Variants in MTIF2 observed in about 807,000 individuals in gnomAD.
MTIF2 encodes mitochondrial translational initiation factor 2.
MTIF2 carries 71 observed loss-of-function variants against 83.5 expected under a neutral mutation model. The observed-to-expected ratio is 0.85, with a 90% CI of 0.70 to 1.04. MTIF2 has a LOEUF of 1.04. Ranked by LOEUF, MTIF2 falls within the 50% of genes least tolerant of loss-of-function variation. The pLI, the probability that MTIF2 is intolerant of heterozygous loss-of-function variation, is 0.00. For missense variants in MTIF2, 957 were observed against 846.5 expected (o/e 1.13, Z -1.62); for synonymous variants, 319 against 287.1 (o/e 1.11, Z -1.12).
intron 5 of MTIF2, among the ~76,000 whole-genome samples, chr2:55,257,408 G>C (rs1476888919): frequency 6.6e-6 from 1 of 152,186 alleles, no homozygotes; most frequent in Admixed American, 6.5e-5. Flanking sequence ...TTGAACCCGG[G>C]AGGCGGAGGT....
chr2:55,260,793 C>T (rs2576710), intron 5 of MTIF2, among the ~76,000 whole-genome samples: 57,913 of 151,960 alleles, frequency 0.38, 13,581 homozygotes, highest in East Asian at 0.53. Flanking sequence ...GAGTCTGTTA[C>T]ACTTTGTTAC....
At chr2:55,256,193 GC>G (rs1677516785) in intron 5 of MTIF2, among the ~76,000 whole-genome samples, 3 of 151,986 alleles carry the variant, frequency 2.0e-5, no homozygotes, top group Admixed American at 1.3e-4. Context: ...TTTTTGAGCT[GC>G]AAATACATTT....
intron 5 of MTIF2, among the ~76,000 whole-genome samples, chr2:55,256,427 G>A (rs183730118): frequency 6.6e-6 from 1 of 151,550 alleles, no homozygotes; most frequent in East Asian, 2.0e-4. Context: ...AAAATTTTTG[G>A]CCAGGCACGG....
chr2:55,237,656 T>C (rs1004443939), intron 14 of MTIF2, among the ~76,000 whole-genome samples: 1 of 141,528 alleles, frequency 7.1e-6, no homozygotes, highest in Non-Finnish European at 1.5e-5. Flanking sequence ...TTTCTTTTTT[T>C]TTTTTTTTTT....
chr2:55,237,641 CTTTTTTTCTTTTTT>C (rs1675965440), intron 14 of MTIF2, among the ~76,000 whole-genome samples: 2 of 82,802 alleles, frequency 2.4e-5, no homozygotes, highest in South Asian at 9.2e-4. Flanking sequence ...TTTTCCTTTT[CTTTTTTTCTTTTTT>C]TTTTTTTTTT....
chr2:55,241,515 G>A (rs1184135949), intron 13 of MTIF2, among the ~76,000 whole-genome samples: 1 of 151,626 alleles, frequency 6.6e-6, no homozygotes, highest in Non-Finnish European at 1.5e-5. Context: ...TTAATCAGGA[G>A]AAAAACACAA....
chr2:55,252,634 T>C lies in MTIF2; in HGVS notation c.684A>G (p.Glu228=). ...GAFLVSLPSG[E]KITFLDTPGH... ...CTGGAGTATCAAGAAAAGTTATCTTTTCCCCAGAAGGCAGAGAGACTGTGG... is the reference window on the plus strand; with the variant it reads ...CTGGAGTATCAAGAAAAGTTATCTTCTCCCCAGAAGGCAGAGAGACTGTGG... Residue 228 remains glutamate, a synonymous_variant, in exon 8 of 16, where the codon GAA becomes GAG. Transcript: ENST00000263629. 1 of 1,613,408 alleles carries C rather than the reference T, an allele frequency of 6.2e-7. No homozygotes were observed. The highest frequency in any genetic ancestry group is 1.3e-5 in the African/African-American group (1 of 75,042).
In MTIF2 at chr2:55,249,506, A is replaced by G; in HGVS notation, c.870T>C (p.Cys290=). 3.7e-6 allele frequency: 6 copies of G among 1,614,110 alleles called. No individual in the cohort carries two copies. The highest frequency in any genetic ancestry group is 5.1e-6 in the Non-Finnish European group (6 of 1,180,014). Residue 290 remains cysteine (C), a synonymous_variant, in exon 9 of 16, where the codon TGT becomes TGC. Coordinates refer to ENST00000263629, the MANE Select transcript of MTIF2 (RefSeq NM_002453.3). ...TCTCAGGATCAGCCTCAGCTTTGTC[A>G]CATTTATTTACGGCAAGGATAATAG... ...QVPIILAVNK[C]DKAEADPEKV... is the part of the protein sequence containing the mutation.
At chr2:55,240,942 T>C (rs1676257637) in intron 13 of MTIF2, among the ~76,000 whole-genome samples, 1 of 152,108 alleles carries the variant, frequency 6.6e-6, no homozygotes, top group African/African-American at 2.4e-5. Context: ...TGCCCAAAAA[T>C]AGTGACTTAA....
At chr2:55,264,997 C>T (rs1678319839) in intron 3 of MTIF2, among the ~76,000 whole-genome samples, 1 of 151,950 alleles carries the variant, frequency 6.6e-6, no homozygotes, top group Non-Finnish European at 1.5e-5. Flanking sequence ...AATCCCAGCA[C>T]TTTGGGAGGC....
At chr2:55,255,988 T>C (rs1677495966) in intron 5 of MTIF2, among the ~76,000 whole-genome samples, 2 of 152,210 alleles carry the variant, frequency 1.3e-5, no homozygotes, top group South Asian at 4.1e-4. Flanking sequence ...ACAATTCTTC[T>C]GCCTCAGCCC....
Position 55,237,278 on chromosome 2 carries a change from TG to T in MTIF2, c.2011+9del. The T allele has an allele frequency of 6.2e-7, 1 of 1,606,242 alleles. No homozygotes were observed. The highest frequency in any genetic ancestry group is 1.1e-5 in the South Asian group (1 of 89,698). On this transcript the variant is annotated intron_variant, in intron 15 of 15. Transcript: ENST00000263629. ...GATATGCTATTATAGGAGATTTTGA[TG>T]TTGCTTACCCTTCCAAATTACATGT...
At chr2:55,237,168 A>G (rs1675900568) in intron 15 of MTIF2, 120 bp downstream of exon 15, 10 of 1,170,386 alleles carry the variant, frequency 8.5e-6, no homozygotes, top group Admixed American at 2.5e-5. Flanking sequence ...TTCAATAGCA[A>G]TAAGAAATGG....
intron 13 of MTIF2, among the ~76,000 whole-genome samples, chr2:55,241,079 GA>G (rs904874075): frequency 8.3e-5 from 12 of 144,744 alleles, no homozygotes; most frequent in East Asian, 4.0e-4. Context: ...TACTTTGGGA[GA>G]AAAAAAAAAG....
chr2:55,241,647 A>C (rs1250520563), intron 13 of MTIF2, among the ~76,000 whole-genome samples: 1 of 152,086 alleles, frequency 6.6e-6, no homozygotes, highest in Non-Finnish European at 1.5e-5. Context: ...GTTTGAGACC[A>C]AACTGGCCAA....
intron 12 of MTIF2, 28 bp downstream of exon 12, chr2:55,243,388 C>A: frequency 6.5e-7 from 1 of 1,548,854 alleles, no homozygotes; most frequent in South Asian, 1.2e-5. Flanking sequence ...AAAGAATGAA[C>A]TGTAATGTAA....
chr2:55,251,645 C>T (rs533092137), intron 8 of MTIF2, among the ~76,000 whole-genome samples: 49 of 152,110 alleles, frequency 3.2e-4, no homozygotes, highest in Non-Finnish European at 4.9e-4. Flanking sequence ...TTTTTTGAGA[C>T]GGAGTTTCGC....
chr2:55,243,989 T>C (rs1309972132), intron 11 of MTIF2, 40 bp downstream of exon 11: 20 of 1,431,274 alleles, frequency 1.4e-5, no homozygotes, highest in Admixed American at 2.1e-5. Context: ...TTTAAAATCA[T>C]TATATTATAT....
chr2:55,263,567 G>C (rs1459596463), intron 4 of MTIF2, 73 bp downstream of exon 4: 2 of 1,196,158 alleles, frequency 1.7e-6, no homozygotes, highest in African/African-American at 1.5e-5. Context: ...CTGAGATCGC[G>C]CCACGGCACT....
Sources: allele counts gnomAD v4.1 joint callset (sites outside exome capture counted in the v4.1 genomes callset), GRCh38; gene constraint gnomAD v4.1.1; transcripts MANE v1.5; gene names NCBI Gene and HGNC (gene_info 2026-07-23, HGNC 2026-07-21).